SLC9A9: variants seen among roughly 807,000 people sequenced by gnomAD.
SLC9A9 encodes the protein solute carrier family 9 member A9.
A neutral mutation model predicts 77.8 loss-of-function variants in SLC9A9; 62 were observed. The observed-to-expected ratio is 0.80, with a 90% CI of 0.65 to 0.98. The LOEUF (loss-of-function observed/expected upper bound fraction) is 0.98. SLC9A9 is among the 50% of genes least tolerant of loss of function. SLC9A9 has a pLI of 0.00. For synonymous variants in SLC9A9, 320 were observed against 283.5 expected (o/e 1.13, Z -1.29); for missense variants, 775 against 774.9 (o/e 1.00, Z 0.00).
intron 4 of SLC9A9, among the ~76,000 whole-genome samples, chr3:143,752,138 TCTC>T (rs1434881981): frequency 6.6e-6 from 1 of 152,044 alleles, no homozygotes; most frequent in African/African-American, 2.4e-5. Flanking sequence ...TTCTCAGAAA[TCTC>T]CTCAGCTGCA....
At chr3:143,448,853 G>A (rs2034894457) in intron 12 of SLC9A9, among the ~76,000 whole-genome samples, 4 of 59,316 alleles carry the variant, frequency 6.7e-5, no homozygotes, top group South Asian at 6.4e-4. Flanking sequence ...AATATATTAT[G>A]TTATATAATA....
At chr3:143,626,142 A>G (rs2038320444) in intron 6 of SLC9A9, among the ~76,000 whole-genome samples, 1 of 152,204 alleles carries the variant, frequency 6.6e-6, no homozygotes, top group South Asian at 2.1e-4. Flanking sequence ...ATGTGGAGAA[A>G]TAGGAACACT....
intron 5 of SLC9A9, among the ~76,000 whole-genome samples, chr3:143,679,682 C>T (rs1560027923): frequency 6.6e-6 from 1 of 152,124 alleles, no homozygotes; most frequent in Non-Finnish European, 1.5e-5. Flanking sequence ...TTTTGAGGCC[C>T]TTCTCCAATA....
intron 14 of SLC9A9, among the ~76,000 whole-genome samples, chr3:143,342,547 C>G (rs1445343964): frequency 6.6e-6 from 1 of 152,038 alleles, no homozygotes; most frequent in Non-Finnish European, 1.5e-5. Context: ...TTTTAAACAC[C>G]CCACCCAATG....
intron 6 of SLC9A9, among the ~76,000 whole-genome samples, chr3:143,641,787 C>T (rs956656420): frequency 2.6e-5 from 4 of 152,132 alleles, no homozygotes; most frequent in African/African-American, 9.7e-5. Flanking sequence ...AGGTCTTTTG[C>T]TGTGTCTCCA....
chr3:143,566,583 T>C (rs1388997832), intron 8 of SLC9A9, among the ~76,000 whole-genome samples: 2 of 149,254 alleles, frequency 1.3e-5, no homozygotes, highest in African/African-American at 4.9e-5. Flanking sequence ...TTTTCTTAAA[T>C]GGAAGTCATT....
chr3:143,563,209 G>A (rs150184380), intron 8 of SLC9A9, among the ~76,000 whole-genome samples: 1 of 152,100 alleles, frequency 6.6e-6, no homozygotes, highest in African/African-American at 2.4e-5. Flanking sequence ...TGCTTCTTGG[G>A]GAAAAATAAA....
At chr3:143,622,624 A>G (rs1046778731) in intron 6 of SLC9A9, among the ~76,000 whole-genome samples, 5 of 152,164 alleles carry the variant, frequency 3.3e-5, no homozygotes, top group East Asian at 3.8e-4. Context: ...AGCACTAAAC[A>G]TGGAAAGGAA....
chr3:143,714,354 A>G (rs574401433), intron 4 of SLC9A9, among the ~76,000 whole-genome samples: 4 of 152,196 alleles, frequency 2.6e-5, no homozygotes, highest in Non-Finnish European at 4.4e-5. Context: ...ATTCCCACCC[A>G]GAAAACTGAA....
chr3:143,828,531 T>C (rs1281940691), intron 2 of SLC9A9, among the ~76,000 whole-genome samples: 1 of 150,336 alleles, frequency 6.7e-6, no homozygotes, highest in Non-Finnish European at 1.5e-5. Context: ...TACTATGAAA[T>C]AAGAGAGAAA....
intron 4 of SLC9A9, among the ~76,000 whole-genome samples, chr3:143,727,148 T>C (rs1357480050): frequency 6.6e-6 from 1 of 152,176 alleles, no homozygotes; most frequent in Admixed American, 6.5e-5. Flanking sequence ...ATCTGGCACA[T>C]AGCAGGTATT....
rs191872251 is a variant in SLC9A9, at chr3:143,332,556, G to A, written c.1604+30928C>T. On this transcript the variant is annotated intron_variant, in intron 14 of 15. Transcript: ENST00000316549. ...CAAGTCATTGGTTCTCAACCTGATG[G>A]CCCACTAATACATTTGAGATGCTTG... is the stretch of plus-strand genomic sequence containing the variant. Among the ~76,000 whole-genome samples, 174 of 152,280 alleles carry A rather than the reference G, an allele frequency of 1.1e-3. 1 individual carries two copies. Among genetic ancestry groups the A allele is most frequent in the African/African-American group, 4.2e-3 (173 of 41,556 alleles).
chr3:143,587,005 A>G (rs1486193552), intron 6 of SLC9A9, among the ~76,000 whole-genome samples: 1 of 152,234 alleles, frequency 6.6e-6, no homozygotes, highest in Non-Finnish European at 1.5e-5. Flanking sequence ...CTGCTCCTTA[A>G]GAATCCAAAT....
chr3:143,735,074 C>T (rs893701911), intron 4 of SLC9A9, among the ~76,000 whole-genome samples: 1 of 152,168 alleles, frequency 6.6e-6, no homozygotes, highest in Admixed American at 6.5e-5. Context: ...TCCTCTGGGA[C>T]ACAGAATGCA....
chr3:143,830,805 C>A (rs1243266374), intron 2 of SLC9A9, among the ~76,000 whole-genome samples: 2 of 152,056 alleles, frequency 1.3e-5, no homozygotes, highest in African/African-American at 2.4e-5. Context: ...AAAAGAAACA[C>A]ATGGAAGAGA....
chr3:143,427,694 G>A (rs181836794), intron 12 of SLC9A9, among the ~76,000 whole-genome samples: 1 of 152,288 alleles, frequency 6.6e-6, no homozygotes, highest in Admixed American at 6.5e-5. Flanking sequence ...GTGTGATGTT[G>A]GTGAAATGTG....
At chr3:143,353,013 G>C (rs1301479464) in intron 14 of SLC9A9, among the ~76,000 whole-genome samples, 1 of 152,138 alleles carries the variant, frequency 6.6e-6, no homozygotes, top group Non-Finnish European at 1.5e-5. Flanking sequence ...CACAATCTGT[G>C]CACATGATAA....
In SLC9A9 at chr3:143,829,137, A is replaced by T. The variant is rs1025789075; in HGVS notation, c.378+2882T>A. ...CTATGAAATGATGAGGTTCAATTTA[A>T]TGAGGTCGGGTCTCTTTCTTGCTCT... On this transcript the variant is annotated intron_variant, in intron 2 of 15. Coordinates refer to ENST00000316549, the MANE Select transcript of SLC9A9 (RefSeq NM_173653.4). Among the ~76,000 whole-genome samples, 4 of 152,284 alleles carry T rather than the reference A, an allele frequency of 2.6e-5. No homozygotes were observed. In the South Asian group the frequency reaches 6.2e-4, roughly 24 times the overall value.
intron 9 of SLC9A9, among the ~76,000 whole-genome samples, chr3:143,505,233 C>T (rs1460693901): frequency 1.3e-5 from 2 of 152,096 alleles, no homozygotes; most frequent in East Asian, 3.8e-4. Context: ...CTCCCTGCCC[C>T]CAAAAAGCAA....
Sources: allele counts gnomAD v4.1 joint callset (sites outside exome capture counted in the v4.1 genomes callset), GRCh38; gene constraint gnomAD v4.1.1; transcripts MANE v1.5; gene names NCBI Gene and HGNC (gene_info 2026-07-23, HGNC 2026-07-21).